The following SBNO1 variants were observed in gnomAD, a reference collection of about 807,000 sequenced individuals.
SBNO1 encodes the protein protein strawberry notch homolog 1.
Under a neutral mutation model 173.6 loss-of-function variants are expected in SBNO1, and 23 were observed. The observed-to-expected ratio is 0.13, with a 90% CI of 0.10 to 0.19. SBNO1 has a LOEUF of 0.19. SBNO1 is among the 10% of genes least tolerant of loss of function. The pLI, the probability that SBNO1 is intolerant of heterozygous loss-of-function variation, is 1.00. For missense variants in SBNO1, 1,238 were observed against 1,671.2 expected (o/e 0.74, Z 4.52); for synonymous variants, 632 against 571.5 (o/e 1.11, Z -1.51).
At chr12:123,363,518 T>C (rs1279358311) in intron 1 of SBNO1, among the ~76,000 whole-genome samples, 2 of 152,184 alleles carry the variant, frequency 1.3e-5, no homozygotes, top group Non-Finnish European at 2.9e-5. Flanking sequence ...CTAGAATATA[T>C]GAAACATTTA....
intron 20 of SBNO1, 88 bp downstream of exon 20, chr12:123,319,812 A>T: frequency 8.8e-7 from 1 of 1,132,242 alleles, no homozygotes; most frequent in Admixed American, 2.1e-5. Context: ...GACATGACTT[A>T]TATTAAAAGG....
At chr12:123,327,285 T>C (rs897428812) in intron 13 of SBNO1, 141 bp downstream of exon 13, 15 of 699,460 alleles carry the variant, frequency 2.1e-5, no homozygotes, top group Admixed American at 1.2e-4. Context: ...TGCTGAGGCA[T>C]GAGACACCGT....
At chr12:123,309,164 GACAA>G (rs922964369) in intron 28 of SBNO1, 142 bp downstream of exon 28, 23 of 639,540 alleles carry the variant, frequency 3.6e-5, no homozygotes, top group African/African-American at 2.0e-4. Context: ...AACACAAATG[GACAA>G]ACACACAATT....
At chr12:123,319,261 G>A (rs1003645087) in intron 20 of SBNO1, among the ~76,000 whole-genome samples, 3 of 151,120 alleles carry the variant, frequency 2.0e-5, no homozygotes, top group African/African-American at 7.3e-5. Context: ...CACCACGCCT[G>A]GAGAAAACAC....
chr12:123,336,851 A>G (rs562912942), intron 5 of SBNO1, among the ~76,000 whole-genome samples: 4 of 152,316 alleles, frequency 2.6e-5, no homozygotes, highest in African/African-American at 7.2e-5. Flanking sequence ...CAGGAGAAAG[A>G]GCAAGCAGTG....
intron 21 of SBNO1, among the ~76,000 whole-genome samples, chr12:123,316,701 TTC>T (rs201458438): frequency 0.066 from 6,408 of 97,800 alleles, 254 homozygotes; most frequent in East Asian, 0.44. Flanking sequence ...TCTTTTCTTC[TTC>T]TTTTTTTTTT....
intron 7 of SBNO1, among the ~76,000 whole-genome samples, chr12:123,331,901 G>A (rs1871258684): frequency 6.6e-6 from 1 of 152,024 alleles, no homozygotes; most frequent in Non-Finnish European, 1.5e-5. Context: ...TTGCCAGGCT[G>A]AAGTGCAGTG....
Position 123,293,880 on chromosome 12 carries a change from C to G in SBNO1, c.*2028G>C, listed in dbSNP as rs930765445. The G allele has an allele frequency of 6.6e-6, 1 of 151,940 alleles. No individual in the cohort carries two copies. Among genetic ancestry groups the G allele is most frequent in the East Asian group, 1.9e-4 (1 of 5,144 alleles). The allele number at this position is 151,940 out of a possible 1,614,324, so 9.4% of individuals were successfully genotyped here. A position where few individuals can be genotyped will look rare whatever the true frequency, so the allele number is the denominator to read the frequency against. On this transcript the variant is annotated 3_prime_UTR_variant, in exon 32 of 32. Coordinates refer to ENST00000602398, the MANE Select transcript of SBNO1 (RefSeq NM_001167856.3). ...CTGCAGGAGGGTTTGTAATGCTTCC[C>G]CACTTCCTCAGGTCCAGCGACTGCA... is the stretch of plus-strand genomic sequence containing the variant.
intron 1 of SBNO1, among the ~76,000 whole-genome samples, chr12:123,363,192 C>A (rs562356952): frequency 6.6e-6 from 1 of 152,242 alleles, no homozygotes. Flanking sequence ...CGTCTCCCAT[C>A]GGAAAAATTT....
chr12:123,361,182 T>C (rs954519782), intron 1 of SBNO1, among the ~76,000 whole-genome samples: 1 of 151,772 alleles, frequency 6.6e-6, no homozygotes, highest in Non-Finnish European at 1.5e-5. Flanking sequence ...AGGTGGAGGT[T>C]GCAGTGAGCA....
intron 3 of SBNO1, among the ~76,000 whole-genome samples, chr12:123,346,006 A>G (rs1873087929): frequency 6.6e-6 from 1 of 152,204 alleles, no homozygotes; most frequent in South Asian, 2.1e-4. Flanking sequence ...ATTAGCTACA[A>G]ATTACCAAGT....
chr12:123,353,204 G>C (rs536049200), intron 1 of SBNO1, among the ~76,000 whole-genome samples: 1 of 152,158 alleles, frequency 6.6e-6, no homozygotes, highest in Non-Finnish European at 1.5e-5. Context: ...GCCTAGCACC[G>C]TGTTAAATTC....
chr12:123,311,668 C>G (rs1303410705), intron 24 of SBNO1, among the ~76,000 whole-genome samples: 1 of 142,460 alleles, frequency 7.0e-6, no homozygotes, highest in East Asian at 2.2e-4. Context: ...AGATTACTGT[C>G]ATTACTTATA....
In SBNO1 at chr12:123,295,813, AAT is replaced by A; in HGVS notation, c.*93_*94del. ...CTAACTAGAGAGCACAACTGAAAAAAATATATAATTCTTTGGAAACTGTCCCT... is the reference window on the plus strand; with the variant it reads ...CTAACTAGAGAGCACAACTGAAAAAAATATAATTCTTTGGAAACTGTCCCT... On this transcript the variant is annotated 3_prime_UTR_variant, in exon 32 of 32. Coordinates refer to ENST00000602398, the MANE Select transcript of SBNO1 (RefSeq NM_001167856.3). The A allele has an allele frequency of 1.3e-6, 2 of 1,502,954 alleles. No individual in the cohort carries two copies. Among genetic ancestry groups the A allele is most frequent in the Non-Finnish European group, 1.8e-6 (2 of 1,118,020 alleles). The allele number at this position is 1,502,954 out of a possible 1,614,324, so 93.1% of individuals were successfully genotyped here. A position where few individuals can be genotyped will look rare whatever the true frequency, so the allele number is the denominator to read the frequency against.
In SBNO1 at chr12:123,295,899, G is replaced by C; in HGVS notation, c.*9C>G. ...TTCAGATCCATCCATGTTGAAACCT[G>C]TCTGTTCTTCATGCGTTGCTCAAGT... On this transcript the variant is annotated 3_prime_UTR_variant, in exon 32 of 32. Transcript: ENST00000602398. 6.8e-6 allele frequency: 11 copies of C among 1,612,912 alleles called. No individual in the cohort carries two copies. Among genetic ancestry groups the C allele is most frequent in the Non-Finnish European group, 8.5e-6 (10 of 1,179,104 alleles).
intron 31 of SBNO1, among the ~76,000 whole-genome samples, chr12:123,296,466 T>A (rs989299139): frequency 1.3e-5 from 2 of 152,078 alleles, no homozygotes; most frequent in Non-Finnish European, 2.9e-5. Context: ...GAAAGGATAC[T>A]CTCTGGGTGC....
chr12:123,303,906 T>C (rs1378331037), intron 29 of SBNO1, among the ~76,000 whole-genome samples: 1 of 149,572 alleles, frequency 6.7e-6, no homozygotes. Context: ...TTTCAATATA[T>C]TATAAAATAA....
Position 123,323,840 on chromosome 12 carries a change from G to C in SBNO1, c.1974-9C>G, listed in dbSNP as rs779200864. On this transcript the variant is annotated splice_polypyrimidine_tract_variant and intron_variant, in intron 15 of 31. Transcript: ENST00000602398. ...GTGACTGCAACACACCTCTGTAGGA[G>C]AGAAACAGTGACAATTACTGCTTCA... 14 of 1,575,754 alleles carry C rather than the reference G, an allele frequency of 8.9e-6. No individual in the cohort carries two copies. Among genetic ancestry groups the C allele is most frequent in the African/African-American group, 4.1e-5 (3 of 72,618 alleles).
chr12:123,303,045 G>A (rs931812640), intron 29 of SBNO1, 145 bp from the exon 30 acceptor site: 3 of 622,764 alleles, frequency 4.8e-6, no homozygotes, highest in Admixed American at 6.1e-5. Context: ...GAATCTGAAC[G>A]CCATTTGAAA....
Sources: allele counts gnomAD v4.1 joint callset (sites outside exome capture counted in the v4.1 genomes callset), GRCh38; gene constraint gnomAD v4.1.1; transcripts MANE v1.5; gene names NCBI Gene and HGNC (gene_info 2026-07-23, HGNC 2026-07-21).